The following TDRD9 variants were observed in gnomAD, a reference collection of about 807,000 sequenced individuals.
TDRD9 encodes tudor domain containing 9, also known as ATP-dependent RNA helicase TDRD9.
TDRD9 carries 124 observed loss-of-function variants against 172.6 expected under a neutral mutation model. That is an observed-to-expected ratio of 0.72 (90% CI 0.62 to 0.83). TDRD9 has a LOEUF of 0.83. Among genes scored for constraint, TDRD9 ranks in the 40% least tolerant of loss-of-function variants. The probability of loss-of-function intolerance (pLI) is 0.00; values close to 1 mark genes in which losing one functional copy is unlikely to be tolerated. For synonymous variants in TDRD9, 619 were observed against 617.1 expected (o/e 1.00, Z -0.05); for missense variants, 1,479 against 1,714.1 (o/e 0.86, Z 2.42).
In TDRD9 at chr14:104,032,029, G is replaced by A. The variant is rs752004479; in HGVS notation, c.3451G>A (p.Gly1151Arg). 5 of 1,548,142 alleles carry A rather than the reference G, an allele frequency of 3.2e-6. No homozygotes were observed. Among genetic ancestry groups the A allele is most frequent in the Non-Finnish European group, 4.4e-6 (5 of 1,145,872 alleles). ...GTPNCKAELH[G>R]PFNPYELKCH... is the part of the protein sequence containing the mutation. ...TTTGTGCACGCAGGCAGAACTTCACGGGCCTTTTAACCCTTATGAACTAAA... is the reference window on the plus strand; with the variant it reads ...TTTGTGCACGCAGGCAGAACTTCACAGGCCTTTTAACCCTTATGAACTAAA... The change falls in exon 30 of 36, where the codon GGG becomes AGG. Residue 1151 changes from glycine (G) to arginine (R), a missense_variant. Transcript: ENST00000409874.
intron 8 of TDRD9, among the ~76,000 whole-genome samples, chr14:103,988,847 C>T (rs186793318): frequency 6.6e-6 from 1 of 152,182 alleles, no homozygotes; most frequent in East Asian, 1.9e-4. Context: ...GTGCGTGCCA[C>T]CACACCCTGC....
chr14:103,954,685 G>T (rs372184270), intron 1 of TDRD9, among the ~76,000 whole-genome samples: 2 of 152,160 alleles, frequency 1.3e-5, no homozygotes, highest in African/African-American at 4.8e-5. Context: ...CTGGAGTGCA[G>T]TGGCACCATC....
intron 31 of TDRD9, among the ~76,000 whole-genome samples, 179 bp downstream of exon 31, chr14:104,034,248 T>C (rs935304328): frequency 1.5e-5 from 2 of 137,088 alleles, no homozygotes; most frequent in Non-Finnish European, 3.0e-5. Context: ...TAGAGTGCAG[T>C]GGCGCGATCT....
In TDRD9 at chr14:104,006,818, CT is replaced by C. The variant is rs747618172; in HGVS notation, c.1981del (p.Cys661ValfsTer32). On this transcript the variant is annotated frameshift_variant, in exon 18 of 36. Coordinates refer to ENST00000409874, the MANE Select transcript of TDRD9 (RefSeq NM_153046.3). LOFTEE classifies it high-confidence loss of function. ...VNFSGSSKSD[C>X]IALVEAFKTW... is the part of the protein sequence containing the mutation. ...ATTTCTCTGGCAGTAGCAAGAGTGACTGTATTGCACTTGTTGAGGCATTTAA... is the reference window on the plus strand; with the variant it reads ...ATTTCTCTGGCAGTAGCAAGAGTGACGTATTGCACTTGTTGAGGCATTTAA... The C allele has an allele frequency of 1.2e-6, 2 of 1,613,136 alleles. No homozygotes were observed. Among genetic ancestry groups the C allele is most frequent in the Non-Finnish European group, 1.7e-6 (2 of 1,179,538 alleles).
At chr14:103,969,536 C>T (rs1404939797) in intron 5 of TDRD9, among the ~76,000 whole-genome samples, 1 of 152,142 alleles carries the variant, frequency 6.6e-6, no homozygotes, top group African/African-American at 2.4e-5. Flanking sequence ...TTTTTCTTTT[C>T]TCTATGCTAC....
intron 24 of TDRD9, among the ~76,000 whole-genome samples, chr14:104,023,870 A>G (rs2035036840): frequency 6.6e-6 from 1 of 151,888 alleles, no homozygotes; most frequent in Admixed American, 6.6e-5. Context: ...GTGAGGTCAG[A>G]CTCCACTTAC....
intron 1 of TDRD9, among the ~76,000 whole-genome samples, chr14:103,934,651 G>A (rs542029577): frequency 5.8e-4 from 89 of 152,272 alleles, no homozygotes; most frequent in African/African-American, 2.1e-3. Flanking sequence ...GGTGGTGGGC[G>A]GGCGCCTGTA....
intron 13 of TDRD9, among the ~76,000 whole-genome samples, chr14:104,000,124 C>A (rs1030545964): frequency 6.6e-6 from 1 of 151,702 alleles, no homozygotes. Flanking sequence ...CTTAGGAGTT[C>A]GAGACCGGCC....
chr14:104,025,452 C>T lies in TDRD9; in HGVS notation c.2719-112C>T, dbSNP rs374872200. 1,261 of 760,246 alleles carry T rather than the reference C, an allele frequency of 1.7e-3. 4 individuals are homozygous for T. Among genetic ancestry groups the T allele is most frequent in the Middle Eastern group, 4.2e-3 (12 of 2,848 alleles). 47.1% of individuals were successfully genotyped at this position (760,246 alleles called of 1,614,324 possible). A position where few individuals can be genotyped will look rare whatever the true frequency, so the allele number is the denominator to read the frequency against. On this transcript the variant is annotated intron_variant, in intron 25 of 35. Transcript: ENST00000409874. ...TAAATACTTATGTTCCGAGGATTAACGCTGGTGAGGTGTCGTACAGCACAG... is the reference window on the plus strand; with the variant it reads ...TAAATACTTATGTTCCGAGGATTAATGCTGGTGAGGTGTCGTACAGCACAG...
intron 7 of TDRD9, among the ~76,000 whole-genome samples, chr14:103,976,938 C>G (rs959271057): frequency 6.6e-6 from 1 of 151,600 alleles, no homozygotes; most frequent in Admixed American, 6.6e-5. Context: ...TTCACTGAAA[C>G]CTTGAAGTCC....
chr14:103,937,283 G>A (rs967076923), intron 1 of TDRD9, among the ~76,000 whole-genome samples: 3 of 152,114 alleles, frequency 2.0e-5, no homozygotes, highest in Non-Finnish European at 2.9e-5. Context: ...TGGTCACATT[G>A]GCATTTTTTC....
In TDRD9 at chr14:104,004,249, C is replaced by T. The variant is rs890413209; in HGVS notation, c.1495C>T (p.Arg499Ter). ...TCTCTCCTTTGAAGGCCGTGCTGGA[C>T]GAGTGTCTAGAGGGTACTGTTACCG... ...SCNQRKGRAG[R>*]VSRGYCYRLV... Residue 499 changes from arginine (R) to a stop codon, truncating the protein, a stop_gained, in exon 14 of 36, where the codon CGA becomes TGA. Coordinates refer to ENST00000409874, the MANE Select transcript of TDRD9 (RefSeq NM_153046.3). LOFTEE classifies it high-confidence loss of function. 1.1e-5 allele frequency: 18 copies of T among 1,580,356 alleles called. No homozygotes were observed. Among genetic ancestry groups the T allele is most frequent in the Non-Finnish European group, 1.5e-5 (17 of 1,155,354 alleles).
chr14:104,041,949 G>T (rs544139951), intron 33 of TDRD9, 120 bp from the exon 34 acceptor site: 3 of 642,116 alleles, frequency 4.7e-6, no homozygotes, highest in African/African-American at 1.8e-5. Flanking sequence ...TTCAGCAGGC[G>T]AGTGGATAAA....
At chr14:103,994,310 C>T (rs746671384) in intron 9 of TDRD9, 22 bp from the exon 10 acceptor site, 25 of 1,607,096 alleles carry the variant, frequency 1.6e-5, no homozygotes, top group Non-Finnish European at 2.0e-5. Flanking sequence ...TTATTTCCCT[C>T]CTCCACTTTT....
Position 103,965,314 on chromosome 14 carries a change from G to C in TDRD9, c.421-19G>C. On this transcript the variant is annotated intron_variant, in intron 3 of 35. Coordinates refer to ENST00000409874, the MANE Select transcript of TDRD9 (RefSeq NM_153046.3). ...TTGCCATTTTGTGCTGATTTTGAAA[G>C]AATTTTTTAAATTTCTAGGTTGTGT... The C allele has an allele frequency of 1.3e-6, 2 of 1,548,974 alleles. No homozygotes were observed. The highest frequency in any genetic ancestry group is 1.7e-6 in the Non-Finnish European group (2 of 1,144,906).
intron 23 of TDRD9, among the ~76,000 whole-genome samples, chr14:104,020,091 ATGGAGTC>A (rs888657258): frequency 6.6e-6 from 1 of 152,152 alleles, no homozygotes; most frequent in African/African-American, 2.4e-5. Flanking sequence ...TCCGTGTCAG[ATGGAGTC>A]TGTTTTGTGG....
intron 6 of TDRD9, among the ~76,000 whole-genome samples, chr14:103,971,438 G>A (rs2033028204): frequency 1.3e-5 from 2 of 151,934 alleles, no homozygotes; most frequent in African/African-American, 4.8e-5. Flanking sequence ...TTGAGTAGCT[G>A]GGACTACAGG....
At chr14:103,989,667 C>A (rs552182869) in intron 8 of TDRD9, among the ~76,000 whole-genome samples, 1 of 152,228 alleles carries the variant, frequency 6.6e-6, no homozygotes, top group South Asian at 2.1e-4. Context: ...GGAATGGTGC[C>A]ATATTTGGGA....
At position 104,018,064 on chromosome 14, in the gene TDRD9, T is replaced by C. The variant is rs1365019853; in HGVS notation, c.2332-28T>C. 3 of 1,340,986 alleles carry C rather than the reference T, an allele frequency of 2.2e-6. No homozygotes were observed. The African/African-American group carries it at 4.3e-5, about 19-fold the overall frequency. 83.1% of individuals were successfully genotyped at this position (1,340,986 alleles called of 1,614,324 possible). On this transcript the variant is annotated intron_variant, in intron 22 of 35. Coordinates refer to ENST00000409874, the MANE Select transcript of TDRD9 (RefSeq NM_153046.3). ...AACTATTTTGTTAGCTCTAGTAATC[T>C]GCTCTGATTTTGTGTTATATTTTAC...
Sources: allele counts gnomAD v4.1 joint callset (sites outside exome capture counted in the v4.1 genomes callset), GRCh38; gene constraint gnomAD v4.1.1; transcripts MANE v1.5; gene names NCBI Gene and HGNC (gene_info 2026-07-23, HGNC 2026-07-21).